GNAI3: variants seen among roughly 807,000 people sequenced by gnomAD.
The protein encoded by GNAI3 is guanine nucleotide-binding protein G(i) subunit alpha-3.
Under a neutral mutation model 41.8 loss-of-function variants are expected in GNAI3, and 12 were observed. The ratio of observed to expected loss-of-function variants is 0.29; its 90% CI spans 0.18 to 0.47. GNAI3 has a LOEUF of 0.47. GNAI3 is among the 20% of genes least tolerant of loss of function. The pLI, the probability that GNAI3 is intolerant of heterozygous loss-of-function variation, is 1.00. For synonymous variants in GNAI3, 132 were observed against 146.5 expected (o/e 0.90, Z 0.71); for missense variants, 360 against 429.6 (o/e 0.84, Z 1.43).
At chr1:109,554,836 T>G (rs1227792263) in intron 1 of GNAI3, among the ~76,000 whole-genome samples, 4 of 152,172 alleles carry the variant, frequency 2.6e-5, no homozygotes, top group Non-Finnish European at 2.9e-5. Flanking sequence ...TTTTTATGGT[T>G]TTGGGTCTTA....
At chr1:109,557,879 C>T (rs1317110709) in intron 1 of GNAI3, among the ~76,000 whole-genome samples, 1 of 152,054 alleles carries the variant, frequency 6.6e-6, no homozygotes, top group Non-Finnish European at 1.5e-5. Flanking sequence ...TAAGGTGACC[C>T]TTTCAAGGAC....
chr1:109,562,776 AG>A (rs1434273537), intron 1 of GNAI3, among the ~76,000 whole-genome samples: 3 of 152,158 alleles, frequency 2.0e-5, no homozygotes, highest in East Asian at 3.8e-4. Context: ...AGAGGGCCCT[AG>A]GTAGGGAGGA....
intron 1 of GNAI3, among the ~76,000 whole-genome samples, chr1:109,573,416 T>C (rs956727619): frequency 6.6e-6 from 1 of 152,232 alleles, no homozygotes. Context: ...GTTCAGTGTT[T>C]ATATCATGTT....
Position 109,565,650 on chromosome 1 carries a change from T to C in GNAI3, c.119-8087T>C, listed in dbSNP as rs1245332893. 2.0e-5 allele frequency among the ~76,000 whole-genome samples: 3 copies of C among 152,356 alleles called. No individual in the cohort carries two copies. In the South Asian group the frequency reaches 6.2e-4, roughly 32 times the overall value. ...ATTTCACAGATAGTCATTAAGTGCC[T>C]AATCTGTCCTAGATTTTGCTCTAGA... On this transcript the variant is annotated intron_variant, in intron 1 of 8. Coordinates refer to ENST00000369851, the MANE Select transcript of GNAI3 (RefSeq NM_006496.4).
chr1:109,569,529 A>G (rs1648537768), intron 1 of GNAI3, among the ~76,000 whole-genome samples: 1 of 152,224 alleles, frequency 6.6e-6, no homozygotes. Flanking sequence ...GGAAAACGCA[A>G]CAATGAGATG....
At chr1:109,563,284 G>A (rs1007588832) in intron 1 of GNAI3, among the ~76,000 whole-genome samples, 1 of 152,220 alleles carries the variant, frequency 6.6e-6, no homozygotes, top group Admixed American at 6.5e-5. Flanking sequence ...CAGAGGCTGA[G>A]GGGGAAGGAT....
Position 109,594,598 on chromosome 1 carries a change from C to G in GNAI3, c.*2276C>G, listed in dbSNP as rs562165696. 6.6e-6 allele frequency: 1 copy of G among 151,054 alleles called. No individual in the cohort carries two copies. The highest frequency in any genetic ancestry group is 2.4e-5 in the African/African-American group (1 of 41,106). The allele number at this position is 151,054 out of a possible 1,614,324, so 9.4% of individuals were successfully genotyped here. ...TTTAATATGACTTAAGTAAAAATCA[C>G]TTGGACCCATCTAAGGGATTGACTT... On this transcript the variant is annotated 3_prime_UTR_variant, in exon 9 of 9. Coordinates refer to ENST00000369851, the MANE Select transcript of GNAI3 (RefSeq NM_006496.4).
chr1:109,583,297 C>A (rs890258423), intron 5 of GNAI3, among the ~76,000 whole-genome samples: 4 of 152,128 alleles, frequency 2.6e-5, no homozygotes, highest in Non-Finnish European at 5.9e-5. Context: ...GCAACCTTGA[C>A]CTCCTGGGCT....
intron 7 of GNAI3, among the ~76,000 whole-genome samples, chr1:109,587,736 A>G (rs753380602): frequency 6.6e-6 from 1 of 152,196 alleles, no homozygotes; most frequent in Non-Finnish European, 1.5e-5. Context: ...ACCATGATCC[A>G]TATCATGGGG....
intron 1 of GNAI3, among the ~76,000 whole-genome samples, chr1:109,558,252 G>A (rs1341724648): frequency 2.6e-5 from 4 of 151,886 alleles, no homozygotes; most frequent in Non-Finnish European, 5.9e-5. Context: ...GTGAAGCCCC[G>A]TCTTTTCTGA....
intron 1 of GNAI3, among the ~76,000 whole-genome samples, chr1:109,554,563 A>AT (rs1370391526): frequency 6.6e-6 from 1 of 151,844 alleles, no homozygotes; most frequent in Non-Finnish European, 1.5e-5. Flanking sequence ...TTTTGATGGG[A>AT]TTGTTTTTTT....
chr1:109,592,165 C>G lies in GNAI3; in HGVS notation c.997C>G (p.Gln333Glu). Residue 333 changes from glutamine to glutamate, a missense_variant, in exon 8 of 9, where the codon CAG becomes GAG. By Grantham distance (29) the Gln-to-Glu change is conservative. Coordinates refer to ENST00000369851, the MANE Select transcript of GNAI3 (RefSeq NM_006496.4). ...FTCATDTKNV[Q>E]FVFDAVTDVI... ...CTGTGCCACAGACACGAAGAATGTG[C>G]AGTTTGTTTTTGATGCTGTTACAGA... 1.2e-6 allele frequency: 2 copies of G among 1,612,886 alleles called. No homozygotes were observed. Among genetic ancestry groups the G allele is most frequent in the Non-Finnish European group, 1.7e-6 (2 of 1,178,850 alleles).
intron 1 of GNAI3, 106 bp downstream of exon 1, chr1:109,548,944 T>G: frequency 1.0e-5 from 5 of 495,950 alleles, no homozygotes; most frequent in South Asian, 2.4e-5. Context: ...TAAAGGGATC[T>G]GGAGGGCGTG....
At chr1:109,579,782 A>G (rs1190966513) in intron 4 of GNAI3, among the ~76,000 whole-genome samples, 2 of 152,076 alleles carry the variant, frequency 1.3e-5, no homozygotes, top group African/African-American at 4.8e-5. Context: ...CGCACTATGG[A>G]CTTCACTAGT....
chr1:109,588,934 C>T (rs1649103782), intron 7 of GNAI3, among the ~76,000 whole-genome samples: 1 of 152,096 alleles, frequency 6.6e-6, no homozygotes, highest in Admixed American at 6.5e-5. Context: ...AGGGGTAAAG[C>T]AGGGGTAAGG....
At chr1:109,582,593 T>A in intron 5 of GNAI3, 28 bp downstream of exon 5, 2 of 1,544,870 alleles carry the variant, frequency 1.3e-6, no homozygotes, top group Non-Finnish European at 1.8e-6. Context: ...TTGCTAGGTG[T>A]GCCAAATACA....
At chr1:109,575,178 C>T (rs1000029335) in intron 3 of GNAI3, among the ~76,000 whole-genome samples, 1 of 152,162 alleles carries the variant, frequency 6.6e-6, no homozygotes, top group African/African-American at 2.4e-5. Context: ...GGAAGTTTGG[C>T]AGTCAAGCAA....
At chr1:109,577,682 A>T (rs1259344470) in intron 3 of GNAI3, among the ~76,000 whole-genome samples, 1 of 152,208 alleles carries the variant, frequency 6.6e-6, no homozygotes, top group East Asian at 1.9e-4. Flanking sequence ...TACTAGAAAG[A>T]ATACAGGAAA....
At chr1:109,574,683 T>C (rs754797487) in intron 3 of GNAI3, among the ~76,000 whole-genome samples, 2 of 152,186 alleles carry the variant, frequency 1.3e-5, no homozygotes, top group South Asian at 4.1e-4. Flanking sequence ...TTTTATGCCA[T>C]TGGGGAGGGT....
Sources: gnomAD v4.1 joint callset for allele counts (sites outside exome capture counted in the v4.1 genomes callset) on GRCh38, gnomAD v4.1.1 for gene constraint, MANE v1.5 for transcripts, NCBI Gene and HGNC (gene_info 2026-07-23, HGNC 2026-07-21) for gene names.